The following PTPRR variants were observed in gnomAD, a reference collection of about 807,000 sequenced individuals.
The protein encoded by PTPRR is protein tyrosine phosphatase receptor type R.
A neutral mutation model predicts 77.2 loss-of-function variants in PTPRR; 38 were observed. The ratio of observed to expected loss-of-function variants is 0.49; its 90% CI spans 0.38 to 0.65. The LOEUF is 0.65. Ranked by LOEUF, PTPRR falls within the 30% of genes least tolerant of loss-of-function variation. The pLI is 0.00. For missense variants in PTPRR, 744 were observed against 799.2 expected (o/e 0.93, Z 0.83); for synonymous variants, 299 against 283.1 (o/e 1.06, Z -0.57).
intron 6 of PTPRR, among the ~76,000 whole-genome samples, chr12:70,738,676 T>G (rs1889952532): frequency 6.6e-6 from 1 of 152,194 alleles, no homozygotes; most frequent in Non-Finnish European, 1.5e-5. Context: ...GATTCCTCAT[T>G]TAATGGGAAT....
chr12:70,727,616 G>A (rs909659513), intron 6 of PTPRR, among the ~76,000 whole-genome samples: 3 of 152,122 alleles, frequency 2.0e-5, no homozygotes, highest in African/African-American at 7.2e-5. Context: ...GTTATGAACA[G>A]CCCTGGGAAA....
At chr12:70,823,632 C>G (rs915199792) in intron 2 of PTPRR, among the ~76,000 whole-genome samples, 1 of 152,162 alleles carries the variant, frequency 6.6e-6, no homozygotes, top group East Asian at 1.9e-4. Flanking sequence ...CCTTACAGTT[C>G]CTGCAGTGTG....
intron 2 of PTPRR, among the ~76,000 whole-genome samples, chr12:70,801,742 AATCTATCT>A (rs150514515): frequency 6.6e-6 from 1 of 151,568 alleles, no homozygotes; most frequent in Non-Finnish European, 1.5e-5. Flanking sequence ...CCTTATAATA[AATCTATCT>A]ATCTATCTAT....
At chr12:70,919,959 T>C (rs1592833858) in intron 1 of PTPRR, among the ~76,000 whole-genome samples, 1 of 152,010 alleles carries the variant, frequency 6.6e-6, no homozygotes, top group African/African-American at 2.4e-5. Flanking sequence ...GCCGCTGCAG[T>C]AGAAAAGGTT....
At chr12:70,690,179 C>G (rs535028385) in intron 8 of PTPRR, among the ~76,000 whole-genome samples, 64 of 152,198 alleles carry the variant, frequency 4.2e-4, no homozygotes, top group Admixed American at 5.9e-4. Context: ...TATAACATGG[C>G]AAAGCTGCCA....
At chr12:70,674,204 G>A (rs1887355924) in intron 10 of PTPRR, among the ~76,000 whole-genome samples, 1 of 151,860 alleles carries the variant, frequency 6.6e-6, no homozygotes, top group Admixed American at 6.6e-5. Flanking sequence ...CAAAGTGCTG[G>A]GATTACAGAA....
chr12:70,696,652 G>A (rs1335234889), intron 8 of PTPRR, among the ~76,000 whole-genome samples: 2 of 152,064 alleles, frequency 1.3e-5, no homozygotes, highest in African/African-American at 4.8e-5. Context: ...CCCATTTCAT[G>A]TGCCATCACA....
chr12:70,751,244 T>C lies in PTPRR; in HGVS notation c.738+2947A>G, dbSNP rs150529313. 4.2e-3 allele frequency among the ~76,000 whole-genome samples: 640 copies of C among 152,254 alleles called. 1 individual carries two copies. The highest frequency in any genetic ancestry group is 0.015 in the African/African-American group (616 of 41,546). Reference sequence around the variant, plus strand: ...GGAGTCATCCTTAATTTTACCCCTGTTGCTGAGGATTGGGACACAGCAAGT... The same window carrying C: ...GGAGTCATCCTTAATTTTACCCCTGCTGCTGAGGATTGGGACACAGCAAGT... On this transcript the variant is annotated intron_variant, in intron 5 of 13. Transcript: ENST00000283228.
chr12:70,827,358 A>C (rs1027345559), intron 2 of PTPRR, among the ~76,000 whole-genome samples: 6 of 152,196 alleles, frequency 3.9e-5, no homozygotes, highest in Admixed American at 3.9e-4. Context: ...GTGGCTTAAA[A>C]ATAACAGAAA....
chr12:70,661,685 C>T (rs1302605851), intron 11 of PTPRR, among the ~76,000 whole-genome samples: 5 of 152,200 alleles, frequency 3.3e-5, no homozygotes, highest in African/African-American at 1.2e-4. Context: ...GCATGAACCT[C>T]GCACTCCAGA....
At chr12:70,697,886 T>C (rs1026576892) in intron 8 of PTPRR, among the ~76,000 whole-genome samples, 14 of 152,172 alleles carry the variant, frequency 9.2e-5, no homozygotes, top group Non-Finnish European at 1.9e-4. Flanking sequence ...TCTATTGGAA[T>C]TGTGACCTGG....
intron 2 of PTPRR, among the ~76,000 whole-genome samples, chr12:70,785,931 C>T (rs1208812283): frequency 6.6e-6 from 1 of 152,140 alleles, no homozygotes; most frequent in African/African-American, 2.4e-5. Context: ...TGTTTTCTAT[C>T]TTTTATTGGG....
intron 2 of PTPRR, among the ~76,000 whole-genome samples, chr12:70,891,852 T>C (rs1485086037): frequency 6.6e-6 from 1 of 151,860 alleles, no homozygotes; most frequent in Non-Finnish European, 1.5e-5. Context: ...ATGGTTTCAT[T>C]GAATTATCTT....
At chr12:70,886,089 C>T (rs894356369) in intron 2 of PTPRR, among the ~76,000 whole-genome samples, 1 of 152,156 alleles carries the variant, frequency 6.6e-6, no homozygotes, top group African/African-American at 2.4e-5. Context: ...TAACCTCACA[C>T]AGACATTGCT....
At chr12:70,764,388 G>T (rs563357413) in intron 3 of PTPRR, among the ~76,000 whole-genome samples, 1 of 152,230 alleles carries the variant, frequency 6.6e-6, no homozygotes, top group Non-Finnish European at 1.5e-5. Context: ...CTATGACAGA[G>T]TTAACAAACT....
At chr12:70,761,351 A>C (rs1191600568) in intron 4 of PTPRR, 120 bp downstream of exon 4, 4 of 972,940 alleles carry the variant, frequency 4.1e-6, no homozygotes, top group Non-Finnish European at 5.8e-6. Flanking sequence ...ACTCAGGGAA[A>C]TTTTTATTAT....
intron 8 of PTPRR, among the ~76,000 whole-genome samples, chr12:70,690,377 G>C (rs1888014433): frequency 6.6e-6 from 1 of 152,132 alleles, no homozygotes; most frequent in Non-Finnish European, 1.5e-5. Flanking sequence ...CCAAACATCT[G>C]GGGTTTGTAT....
chr12:70,891,016 T>C (rs1288543048), intron 2 of PTPRR, among the ~76,000 whole-genome samples: 1 of 152,124 alleles, frequency 6.6e-6, no homozygotes, highest in Non-Finnish European at 1.5e-5. Context: ...TCTAAGTGGA[T>C]TGCAGGAAAC....
intron 6 of PTPRR, among the ~76,000 whole-genome samples, chr12:70,713,359 T>C (rs751933044): frequency 1.2e-4 from 19 of 152,174 alleles, no homozygotes; most frequent in Non-Finnish European, 2.2e-4. Flanking sequence ...CTACGAACAT[T>C]TGTGTTTAAG....
Sources: allele counts gnomAD v4.1 joint callset (sites outside exome capture counted in the v4.1 genomes callset), GRCh38; gene constraint gnomAD v4.1.1; transcripts MANE v1.5; gene names NCBI Gene and HGNC (gene_info 2026-07-23, HGNC 2026-07-21).